The following MARCHF1 variants were observed in gnomAD, a reference collection of about 807,000 sequenced individuals.
The protein encoded by MARCHF1 is E3 ubiquitin-protein ligase MARCHF1.
MARCHF1 carries 40 observed loss-of-function variants against 54.2 expected under a neutral mutation model. The observed-to-expected ratio is 0.74, with a 90% confidence interval of 0.57 to 0.96. The LOEUF (loss-of-function observed/expected upper bound fraction) is 0.96, where lower values mean the gene tolerates loss of function less well. MARCHF1 is among the 40% of genes least tolerant of loss of function. MARCHF1 has a pLI of 0.00. For missense variants in MARCHF1, 586 were observed against 656.5 expected (o/e 0.89, Z 1.17); for synonymous variants, 236 against 236.3 (o/e 1.00, Z 0.01).
intron 4 of MARCHF1, among the ~76,000 whole-genome samples, chr4:163,725,180 A>G (rs1420363473): frequency 6.6e-6 from 1 of 152,198 alleles, no homozygotes; most frequent in Non-Finnish European, 1.5e-5. Flanking sequence ...ATGGCTCTAG[A>G]AAATCTTAAA....
chr4:163,802,095 CATTCA>C (rs1748098325), intron 4 of MARCHF1, among the ~76,000 whole-genome samples: 1 of 150,508 alleles, frequency 6.6e-6, no homozygotes, highest in Non-Finnish European at 1.5e-5. Flanking sequence ...ATAGACTTCT[CATTCA>C]ATTCAACATG....
At chr4:163,743,843 A>G (rs1036187365) in intron 4 of MARCHF1, among the ~76,000 whole-genome samples, 3 of 152,302 alleles carry the variant, frequency 2.0e-5, no homozygotes, top group African/African-American at 7.2e-5. Flanking sequence ...TGAAATTAGT[A>G]ATCTTTCTTA....
At chr4:163,835,144 A>T (rs1324944754) in intron 4 of MARCHF1, among the ~76,000 whole-genome samples, 1 of 152,166 alleles carries the variant, frequency 6.6e-6, no homozygotes, top group East Asian at 1.9e-4. Flanking sequence ...AGTCTCCCAA[A>T]GTGCTGAGAT....
intron 1 of MARCHF1, among the ~76,000 whole-genome samples, chr4:164,226,868 A>C (rs1357114493): frequency 6.6e-6 from 1 of 152,084 alleles, no homozygotes; most frequent in Non-Finnish European, 1.5e-5. Flanking sequence ...AGCCAAGGAG[A>C]TCTAGTGATG....
intron 5 of MARCHF1, among the ~76,000 whole-genome samples, chr4:163,639,014 G>A (rs975926909): frequency 1.3e-5 from 2 of 151,950 alleles, no homozygotes; most frequent in Admixed American, 1.3e-4. Context: ...GAAAATAATA[G>A]TTCCCAGAGA....
chr4:163,731,722 G>A (rs543449751), intron 4 of MARCHF1, among the ~76,000 whole-genome samples: 3 of 152,256 alleles, frequency 2.0e-5, no homozygotes, highest in African/African-American at 4.8e-5. Context: ...CACTCAAAAG[G>A]ATTAGTAGAC....
intron 4 of MARCHF1, among the ~76,000 whole-genome samples, chr4:163,807,846 T>C (rs1285914125): frequency 2.0e-5 from 3 of 152,092 alleles, no homozygotes; most frequent in Admixed American, 1.3e-4. Context: ...TTGCCTCTTA[T>C]ACGTTTCTGT....
intron 4 of MARCHF1, among the ~76,000 whole-genome samples, chr4:163,843,092 T>C (rs1397900073): frequency 6.6e-6 from 1 of 152,148 alleles, no homozygotes; most frequent in Non-Finnish European, 1.5e-5. Context: ...GTTTAGCTGC[T>C]GCTTATATGT....
At chr4:163,719,556 T>C (rs1745377607) in intron 4 of MARCHF1, among the ~76,000 whole-genome samples, 1 of 152,158 alleles carries the variant, frequency 6.6e-6, no homozygotes. Context: ...AGTAATGGGA[T>C]GGCTGGGTCA....
chr4:164,350,688 C>G (rs1730264541), intron 1 of MARCHF1, among the ~76,000 whole-genome samples: 1 of 152,268 alleles, frequency 6.6e-6, no homozygotes, highest in African/African-American at 2.4e-5. Context: ...GCCTCATATA[C>G]CAAAGCATAG....
chr4:164,122,638 T>C (rs1333902647), intron 1 of MARCHF1, among the ~76,000 whole-genome samples: 2 of 152,032 alleles, frequency 1.3e-5, no homozygotes, highest in Admixed American at 6.6e-5. Context: ...CAGTCTTTTC[T>C]GCTGGGAGAC....
intron 1 of MARCHF1, among the ~76,000 whole-genome samples, chr4:164,193,282 C>A (rs1182999997): frequency 6.6e-6 from 1 of 151,972 alleles, no homozygotes; most frequent in African/African-American, 2.4e-5. Context: ...CCGTCCCTTT[C>A]CAAGAAAAAG....
At chr4:163,802,693 C>T (rs560915466) in intron 4 of MARCHF1, among the ~76,000 whole-genome samples, 1 of 152,204 alleles carries the variant, frequency 6.6e-6, no homozygotes, top group Non-Finnish European at 1.5e-5. Flanking sequence ...TTTCACTTGA[C>T]TGGCCCAGGG....
At chr4:164,263,531 G>A (rs1025712874) in intron 1 of MARCHF1, among the ~76,000 whole-genome samples, 1 of 151,886 alleles carries the variant, frequency 6.6e-6, no homozygotes, top group Non-Finnish European at 1.5e-5. Context: ...CCAGTAGTTG[G>A]GATTACTAGC....
intron 4 of MARCHF1, among the ~76,000 whole-genome samples, chr4:163,762,852 T>G (rs1251324964): frequency 6.6e-6 from 1 of 152,068 alleles, no homozygotes; most frequent in Non-Finnish European, 1.5e-5. Flanking sequence ...AAATGGCCAT[T>G]TTAAAAGCTT....
intron 5 of MARCHF1, among the ~76,000 whole-genome samples, chr4:163,651,174 T>C (rs1186235590): frequency 6.6e-6 from 1 of 151,964 alleles, no homozygotes; most frequent in African/African-American, 2.4e-5. Flanking sequence ...TTGGGTGCCA[T>C]TTGAAACCAG....
intron 1 of MARCHF1, among the ~76,000 whole-genome samples, chr4:164,225,284 C>A (rs574783179): frequency 6.6e-6 from 1 of 152,010 alleles, no homozygotes; most frequent in South Asian, 2.1e-4. Context: ...CGTCTTTTGC[C>A]TAATGTTTTT....
At chr4:163,770,595 C>A (rs536500082) in intron 4 of MARCHF1, among the ~76,000 whole-genome samples, 1 of 148,122 alleles carries the variant, frequency 6.8e-6, no homozygotes, top group African/African-American at 2.5e-5. Flanking sequence ...CATGCACTCA[C>A]GTAATAATGA....
intron 1 of MARCHF1, among the ~76,000 whole-genome samples, chr4:164,144,618 A>G (rs1230449937): frequency 6.9e-6 from 1 of 145,974 alleles, no homozygotes; most frequent in African/African-American, 2.6e-5. Context: ...GTTCTTTGAA[A>G]CCAACGAGAA....
Sources: allele counts gnomAD v4.1 joint callset (sites outside exome capture counted in the v4.1 genomes callset), GRCh38; gene constraint gnomAD v4.1.1; transcripts MANE v1.5; gene names NCBI Gene and HGNC (gene_info 2026-07-23, HGNC 2026-07-21).